Variants in MPP1 observed in about 807,000 individuals in gnomAD.
MPP1 encodes MAGUK p55 scaffold protein 1, also known as 55 kDa erythrocyte membrane protein.
MPP1 carries 6 observed loss-of-function variants against 38.2 expected under a neutral mutation model. The ratio of observed to expected loss-of-function variants is 0.16; its 90% CI spans 0.09 to 0.31. MPP1 has a LOEUF of 0.31. Among genes scored for constraint, MPP1 ranks in the 10% least tolerant of loss-of-function variants. MPP1 has a pLI of 1.00. For missense variants in MPP1, 293 were observed against 368.9 expected (o/e 0.79, Z 1.69); for synonymous variants, 153 against 146.3 (o/e 1.05, Z -0.33).
intron 4 of MPP1, among the ~76,000 whole-genome samples, chrX:154,790,245 C>T (rs2072125367): frequency 9.0e-6 from 1 of 111,289 alleles, no homozygotes; most frequent in African/African-American, 3.3e-5. Context: ...AAGACTTTTC[C>T]GAGCTGGGCA....
chrX:154,788,572 C>T (rs2072106520), intron 5 of MPP1, among the ~76,000 whole-genome samples: 2 of 111,985 alleles, frequency 1.8e-5, no homozygotes, highest in Non-Finnish European at 3.8e-5. Context: ...TAACATGGTT[C>T]ACCAACTTTG....
intron 1 of MPP1, among the ~76,000 whole-genome samples, chrX:154,797,459 T>C (rs1353002994): frequency 1.8e-5 from 2 of 112,052 alleles, no homozygotes; most frequent in African/African-American, 6.5e-5. Flanking sequence ...CTATGTGGTA[T>C]AGACATGCAG....
chrX:154,780,882 C>T (rs1208510063), intron 11 of MPP1, among the ~76,000 whole-genome samples: 4 of 111,565 alleles, frequency 3.6e-5, no homozygotes, highest in Non-Finnish European at 7.5e-5. Flanking sequence ...CCATACTGCA[C>T]CCCAGGGCGG....
At chrX:154,796,002 G>C (rs1380810170) in intron 1 of MPP1, among the ~76,000 whole-genome samples, 1 of 105,244 alleles carries the variant, frequency 9.5e-6, no homozygotes, top group African/African-American at 3.5e-5. Context: ...GTACTTGTGT[G>C]GATCTTGTCC....
In MPP1 at chrX:154,786,315, C is replaced by T. The variant is rs1557267189; in HGVS notation, c.566G>A (p.Gly189Glu). Residue 189 changes from glycine to glutamate, a missense_variant, in exon 6 of 12, where the codon GGG becomes GAG. By Grantham distance (98) the Gly-to-Glu change is moderately conservative. Coordinates refer to ENST00000369534, the MANE Select transcript of MPP1 (RefSeq NM_002436.4). Reference protein sequence around the residue: ...CKEAGLKFATGDIIQIINKDD... With the variant: ...CKEAGLKFATEDIIQIINKDD... ...CTTGTTGATAATCTGGATAATGTCC[C>T]CAGTAGCAAACTTCAGTCCCGCCTC... The T allele has an allele frequency of 8.3e-7, 1 of 1,211,557 alleles. No homozygotes were observed. The highest frequency in any genetic ancestry group is 1.1e-6 in the Non-Finnish European group (1 of 895,399).
chrX:154,790,955 GTCTTCA>G, intron 4 of MPP1, 22 bp downstream of exon 4: 1 of 1,173,776 alleles, frequency 8.5e-7, no homozygotes, highest in Non-Finnish European at 1.2e-6. Flanking sequence ...ACAATGGAAG[GTCTTCA>G]TCTAGCATAG....
At chrX:154,792,032 G>T in intron 2 of MPP1, 110 bp downstream of exon 2, 2 of 1,078,155 alleles carry the variant, frequency 1.9e-6, no homozygotes, top group East Asian at 6.1e-5. Flanking sequence ...GACAATTTTG[G>T]GGTTGGCCAA....
chrX:154,793,297 G>A (rs1557267923), intron 1 of MPP1, among the ~76,000 whole-genome samples: 1 of 111,874 alleles, frequency 8.9e-6, no homozygotes, highest in Non-Finnish European at 1.9e-5. Flanking sequence ...AACTAGACAG[G>A]TATGACACAG....
intron 5 of MPP1, among the ~76,000 whole-genome samples, chrX:154,788,222 C>T (rs1006224529): frequency 4.5e-5 from 5 of 112,037 alleles, no homozygotes; most frequent in Non-Finnish European, 9.4e-5. Context: ...TTAAGAGTTT[C>T]TAGTCATTAA....
chrX:154,802,125 G>C (rs2072274475), intron 1 of MPP1, among the ~76,000 whole-genome samples: 1 of 112,266 alleles, frequency 8.9e-6, no homozygotes, highest in South Asian at 3.6e-4. Flanking sequence ...TCCGTGCACA[G>C]GCTGTTCCCT....
intron 1 of MPP1, chrX:154,792,560 T>A (rs1249574227): frequency 3.8e-6 from 1 of 266,325 alleles, no homozygotes; most frequent in Non-Finnish European, 6.7e-6. Flanking sequence ...AAAATAGACA[T>A]GTTTATCTAG....
Position 154,791,754 on chromosome X carries a change from G to A in MPP1, c.325+15C>T. 2 of 1,195,732 alleles carry A rather than the reference G, an allele frequency of 1.7e-6. No individual in the cohort carries two copies. The highest frequency in any genetic ancestry group is 2.3e-6 in the Non-Finnish European group (2 of 881,616). On this transcript the variant is annotated intron_variant, in intron 3 of 11. Transcript: ENST00000369534. Reference sequence around the variant, plus strand: ...ATCCCTGAATCAAACCCCACCCAGAGCTCCCACAGAGTACCTTGTCTATGG... The same window carrying A: ...ATCCCTGAATCAAACCCCACCCAGAACTCCCACAGAGTACCTTGTCTATGG...
intron 3 of MPP1, chrX:154,791,531 T>C: frequency 2.7e-6 from 1 of 364,088 alleles, no homozygotes; most frequent in Non-Finnish European, 4.8e-6. Context: ...AAAATATTGG[T>C]ATAAATAGGT....
chrX:154,791,210 A>C (rs1304108618), intron 3 of MPP1, 142 bp from the exon 4 acceptor site: 1 of 529,186 alleles, frequency 1.9e-6, no homozygotes, highest in Non-Finnish European at 3.1e-6. Flanking sequence ...AGGATTGAAA[A>C]CATTTGACTT....
At chrX:154,802,471 T>G (rs2072277919) in intron 1 of MPP1, among the ~76,000 whole-genome samples, 1 of 111,532 alleles carries the variant, frequency 9.0e-6, no homozygotes, top group African/African-American at 3.3e-5. Context: ...TTTTTTGATG[T>G]GGGATAGGCC....
intron 1 of MPP1, among the ~76,000 whole-genome samples, chrX:154,796,764 T>C (rs1557268188): frequency 1.8e-5 from 2 of 112,014 alleles, no homozygotes; most frequent in East Asian, 5.6e-4. Context: ...TGATAGGAAG[T>C]TGGCAGGTAA....
At chrX:154,798,840 T>G (rs2072229548) in intron 1 of MPP1, among the ~76,000 whole-genome samples, 1 of 111,701 alleles carries the variant, frequency 9.0e-6, no homozygotes, top group African/African-American at 3.3e-5. Context: ...ATTCAAGCGA[T>G]TCTCCTGCCT....
chrX:154,786,348 G>A lies in MPP1; in HGVS notation c.533C>T (p.Pro178Leu), dbSNP rs1557267194. Reference sequence around the variant, plus strand: ...AAACTTCAGTCCCGCCTCCTTGCAAGGGATCAGATTGTCCTTTTTGGGATC... The same window carrying A: ...AAACTTCAGTCCCGCCTCCTTGCAAAGGATCAGATTGTCCTTTTTGGGATC... ...DYDPKKDNLI[P>L]CKEAGLKFAT... The change falls in exon 6 of 12, where the codon CCT becomes CTT. Residue 178 changes from proline (P) to leucine (L), a missense_variant. Physicochemically the swap from Pro to Leu is moderately conservative, Grantham distance 98 (BLOSUM62 -3). Transcript: ENST00000369534. 8.3e-7 allele frequency: 1 copy of A among 1,211,735 alleles called. No individual in the cohort carries two copies. The highest frequency in any genetic ancestry group is 2.2e-5 in the Admixed American group (1 of 46,050).
In MPP1 at chrX:154,805,472, C is replaced by G. The variant is rs1415190224; in HGVS notation, c.-99G>C. 1 of 859,075 alleles carries G rather than the reference C, an allele frequency of 1.2e-6. No homozygotes were observed. Among genetic ancestry groups the G allele is most frequent in the Non-Finnish European group, 1.6e-6 (1 of 617,681 alleles). 70.8% of individuals were successfully genotyped at this position (859,075 alleles called of 1,213,427 possible). A position where few individuals can be genotyped will look rare whatever the true frequency, so the allele number is the denominator to read the frequency against. On this transcript the variant is annotated 5_prime_UTR_variant, in exon 1 of 12. Transcript: ENST00000369534. ...TGCGGAGAAGGCGGGAGACGCGGTG[C>G]GGCTGGGCCAGTCACCGCCCCGCAG...
Sources: allele counts gnomAD v4.1 joint callset (sites outside exome capture counted in the v4.1 genomes callset), GRCh38; gene constraint gnomAD v4.1.1; transcripts MANE v1.5; gene names NCBI Gene and HGNC (gene_info 2026-07-23, HGNC 2026-07-21).